The following NR1H4 variants were observed in gnomAD, a reference collection of about 807,000 sequenced individuals.
NR1H4 encodes the protein nuclear receptor subfamily 1 group H member 4.
In NR1H4, 23 loss-of-function variants were observed where a neutral mutation model predicts 58.5. That is an observed-to-expected ratio of 0.39 (90% CI 0.28 to 0.56). NR1H4 has a LOEUF of 0.56. Ranked by LOEUF, NR1H4 falls within the 20% of genes least tolerant of loss-of-function variation. The probability of loss-of-function intolerance (pLI) is 0.58; values close to 1 mark genes in which losing one functional copy is unlikely to be tolerated. For missense variants in NR1H4, 487 were observed against 576.9 expected (o/e 0.84, Z 1.60); for synonymous variants, 214 against 198.0 (o/e 1.08, Z -0.68).
intron 1 of NR1H4, among the ~76,000 whole-genome samples, chr12:100,486,091 C>T (rs1222682426): frequency 6.6e-6 from 1 of 152,030 alleles, no homozygotes; most frequent in Non-Finnish European, 1.5e-5. Context: ...CGATTTAAAT[C>T]CCCAATCAGG....
At chr12:100,521,265 A>G (rs1037174311) in intron 4 of NR1H4, among the ~76,000 whole-genome samples, 3 of 152,196 alleles carry the variant, frequency 2.0e-5, no homozygotes, top group Non-Finnish European at 4.4e-5. Flanking sequence ...TATAGCATCA[A>G]TGAGAGAAAT....
intron 9 of NR1H4, among the ~76,000 whole-genome samples, chr12:100,545,668 A>C (rs953998296): frequency 4.7e-5 from 7 of 148,594 alleles, no homozygotes; most frequent in Admixed American, 6.7e-5. Context: ...AAAAAAAAAA[A>C]ACCAAACGGG....
chr12:100,535,431 G>A (rs1055024588), intron 6 of NR1H4, among the ~76,000 whole-genome samples: 6 of 152,210 alleles, frequency 3.9e-5, no homozygotes, highest in Admixed American at 2.0e-4. Context: ...GTGAATACAC[G>A]TATGTGGATG....
chr12:100,497,898 T>G (rs1027700448), intron 3 of NR1H4, among the ~76,000 whole-genome samples: 1 of 152,116 alleles, frequency 6.6e-6, no homozygotes, highest in African/African-American at 2.4e-5. Context: ...ATTTAGAGAC[T>G]AAAGAGACAA....
chr12:100,557,908 T>C (rs1418632178), intron 9 of NR1H4, among the ~76,000 whole-genome samples: 1 of 152,222 alleles, frequency 6.6e-6, no homozygotes, highest in East Asian at 1.9e-4. Flanking sequence ...AACATCCTCA[T>C]CTCAATTAAT....
intron 8 of NR1H4, among the ~76,000 whole-genome samples, chr12:100,539,233 G>C (rs545454760): frequency 1.3e-5 from 2 of 151,934 alleles, no homozygotes; most frequent in Non-Finnish European, 2.9e-5. Flanking sequence ...AGAAATAAAA[G>C]GCAAAAACCC....
intron 9 of NR1H4, among the ~76,000 whole-genome samples, chr12:100,551,964 A>C (rs1008034501): frequency 6.6e-6 from 1 of 152,212 alleles, no homozygotes; most frequent in Non-Finnish European, 1.5e-5. Flanking sequence ...TAATGACAAG[A>C]AAAAAGTCTG....
At chr12:100,524,646 CAT>C (rs2136207535) in intron 4 of NR1H4, among the ~76,000 whole-genome samples, 1 of 152,254 alleles carries the variant, frequency 6.6e-6, no homozygotes, top group Non-Finnish European at 1.5e-5. Context: ...GAAATGAGTG[CAT>C]GTGATTCCAA....
chr12:100,491,085 G>A (rs1164226410), intron 1 of NR1H4, among the ~76,000 whole-genome samples: 3 of 152,292 alleles, frequency 2.0e-5, no homozygotes, highest in Non-Finnish European at 4.4e-5. Flanking sequence ...AGTAGCCACT[G>A]TGCCTAGCCA....
intron 3 of NR1H4, among the ~76,000 whole-genome samples, chr12:100,494,108 A>G (rs924774586): frequency 6.6e-6 from 1 of 152,190 alleles, no homozygotes; most frequent in Non-Finnish European, 1.5e-5. Context: ...GCAGCCTGGG[A>G]TGCTCCCAGT....
At chr12:100,553,143 C>T (rs911311461) in intron 9 of NR1H4, among the ~76,000 whole-genome samples, 5 of 152,204 alleles carry the variant, frequency 3.3e-5, no homozygotes, top group Admixed American at 6.5e-5. Context: ...GGACTACAGG[C>T]GCGTGCCACC....
chr12:100,554,205 A>G (rs1955270634), intron 9 of NR1H4, among the ~76,000 whole-genome samples: 1 of 152,202 alleles, frequency 6.6e-6, no homozygotes, highest in Non-Finnish European at 1.5e-5. Context: ...TCAGGGATTT[A>G]TACCTTGACC....
chr12:100,561,933 T>A lies in NR1H4; in HGVS notation c.1127T>A (p.Ile376Asn). 1 of 1,563,316 alleles carries A rather than the reference T, an allele frequency of 6.4e-7. No individual in the cohort carries two copies. Among genetic ancestry groups the A allele is most frequent in the Middle Eastern group, 1.7e-4 (1 of 5,954 alleles). The change falls in exon 10 of 11, where the codon ATT becomes AAT. Residue 376 changes from isoleucine to asparagine, a missense_variant. Coordinates refer to ENST00000392986, the MANE Select transcript of NR1H4 (RefSeq NM_001206979.2). ...CCTATGTTTAGTTTTTATAAAAGTA[T>A]TGGGGAACTGAAAATGACTCAAGAG... ...ITPMFSFYKS[I>N]GELKMTQEEY...
At chr12:100,544,854 A>C (rs1211635513) in intron 9 of NR1H4, among the ~76,000 whole-genome samples, 1 of 152,128 alleles carries the variant, frequency 6.6e-6, no homozygotes, top group East Asian at 1.9e-4. Flanking sequence ...TGTAGTAGTT[A>C]ATTTGGGGAA....
chr12:100,491,506 G>A (rs1198814766), intron 1 of NR1H4, among the ~76,000 whole-genome samples: 1 of 149,548 alleles, frequency 6.7e-6, no homozygotes, highest in African/African-American at 2.5e-5. Context: ...AAGGTCTCCT[G>A]AATCTAGTAT....
chr12:100,532,335 G>C, intron 4 of NR1H4, 123 bp from the exon 5 acceptor site: 1 of 828,650 alleles, frequency 1.2e-6, no homozygotes, highest in East Asian at 2.5e-5. Flanking sequence ...GTGTGCTCAA[G>C]GATGGCCTGG....
At chr12:100,510,676 A>C (rs998302613) in intron 3 of NR1H4, 102 bp from the exon 4 acceptor site, 8 of 1,079,778 alleles carry the variant, frequency 7.4e-6, no homozygotes, top group Non-Finnish European at 1.1e-5. Context: ...TAAATGTTTC[A>C]ATCTTTTCTT....
chr12:100,549,024 G>A (rs1955145306), intron 9 of NR1H4, among the ~76,000 whole-genome samples: 1 of 151,944 alleles, frequency 6.6e-6, no homozygotes, highest in Admixed American at 6.6e-5. Flanking sequence ...GGTCCAGTAT[G>A]GCTCCCCACC....
chr12:100,478,267 C>T (rs1415436894), intron 1 of NR1H4, among the ~76,000 whole-genome samples: 4 of 152,088 alleles, frequency 2.6e-5, no homozygotes, highest in Non-Finnish European at 5.9e-5. Flanking sequence ...TTCTCCTAAA[C>T]ATTTATTAAT....
Sources: allele counts gnomAD v4.1 joint callset (sites outside exome capture counted in the v4.1 genomes callset), GRCh38; gene constraint gnomAD v4.1.1; transcripts MANE v1.5; gene names NCBI Gene and HGNC (gene_info 2026-07-23, HGNC 2026-07-21).